ZRANB3: variants seen among roughly 807,000 people sequenced by gnomAD.
The protein encoded by ZRANB3 is DNA annealing helicase and endonuclease ZRANB3.
A neutral mutation model predicts 133.8 loss-of-function variants in ZRANB3; 125 were observed. The observed-to-expected ratio is 0.93, with a 90% CI of 0.81 to 1.08. The LOEUF (loss-of-function observed/expected upper bound fraction) is 1.08, where lower values mean the gene tolerates loss of function less well. Among genes scored for constraint, ZRANB3 ranks in the 50% least tolerant of loss-of-function variants. The pLI is 0.00. For synonymous variants in ZRANB3, 387 were observed against 432.7 expected, an observed-to-expected ratio of 0.89 and a Z score of 1.31; for missense variants, 1,229 against 1,275.5, an observed-to-expected ratio of 0.96 and a Z score of 0.56.
At chr2:135,465,130 A>C (rs1247019957) in intron 2 of ZRANB3, among the ~76,000 whole-genome samples, 1 of 152,256 alleles carries the variant, frequency 6.6e-6, no homozygotes, top group African/African-American at 2.4e-5. Context: ...CAATTCCTGC[A>C]TGTATTGATA....
At chr2:135,525,834 G>A (rs62168778) in intron 1 of ZRANB3, among the ~76,000 whole-genome samples, 3,662 of 126,416 alleles carry the variant, frequency 0.029, 71 homozygotes, top group Admixed American at 0.051. Flanking sequence ...GGCAACAAGA[G>A]CAAAACTCTG....
chr2:135,478,058 C>T (rs1226802253), intron 2 of ZRANB3, among the ~76,000 whole-genome samples: 1 of 152,058 alleles, frequency 6.6e-6, no homozygotes, highest in Non-Finnish European at 1.5e-5. Flanking sequence ...CATATACAAA[C>T]ACAAAACAAA....
At chr2:135,487,799 A>G (rs1267976844) in intron 2 of ZRANB3, among the ~76,000 whole-genome samples, 1 of 152,186 alleles carries the variant, frequency 6.6e-6, no homozygotes, top group Non-Finnish European at 1.5e-5. Flanking sequence ...CTCTATCCAC[A>G]CCACTGAAAC....
intron 12 of ZRANB3, among the ~76,000 whole-genome samples, chr2:135,263,942 A>AT (rs778377579): frequency 3.9e-3 from 540 of 139,258 alleles, no homozygotes; most frequent in East Asian, 6.8e-3. Flanking sequence ...CGCCCGGCTA[A>AT]TTTTTTTTTT....
At chr2:135,349,009 C>A (rs1573955269) in intron 5 of ZRANB3, among the ~76,000 whole-genome samples, 1 of 152,206 alleles carries the variant, frequency 6.6e-6, no homozygotes, top group South Asian at 2.1e-4. Context: ...ATGTCAATTA[C>A]GTGGAGCTAC....
At chr2:135,354,750 C>A (rs7565793) in intron 3 of ZRANB3, among the ~76,000 whole-genome samples, 8,447 of 152,118 alleles carry the variant, frequency 0.056, 458 homozygotes, top group African/African-American at 0.14. Flanking sequence ...ACAGCAGATC[C>A]GTGGTTGCCA....
intron 2 of ZRANB3, among the ~76,000 whole-genome samples, chr2:135,482,599 G>T (rs372739992): frequency 6.6e-6 from 1 of 151,972 alleles, no homozygotes; most frequent in African/African-American, 2.4e-5. Context: ...CTAATTGAAT[G>T]CCCTTTATTT....
intron 1 of ZRANB3, among the ~76,000 whole-genome samples, chr2:135,514,648 T>C (rs79946935): frequency 2.7e-5 from 4 of 150,184 alleles, no homozygotes; most frequent in Non-Finnish European, 5.9e-5. Context: ...TCTTGCTTGA[T>C]TGCCCTGGCC....
chr2:135,349,749 T>A (rs1685110480), intron 5 of ZRANB3, among the ~76,000 whole-genome samples: 3 of 140,980 alleles, frequency 2.1e-5, no homozygotes, highest in African/African-American at 3.0e-5. Context: ...GGCAGCCTTA[T>A]AATAAAGGTA....
At chr2:135,268,827 G>T in intron 11 of ZRANB3, 135 bp downstream of exon 11, 3 of 773,010 alleles carry the variant, frequency 3.9e-6, no homozygotes, top group Non-Finnish European at 6.0e-6. Flanking sequence ...TTCTTAACTT[G>T]GTCTCTATTA....
intron 8 of ZRANB3, among the ~76,000 whole-genome samples, chr2:135,283,996 C>G (rs1278968834): frequency 6.6e-6 from 1 of 152,088 alleles, no homozygotes; most frequent in Non-Finnish European, 1.5e-5. Flanking sequence ...AAAAAAATCA[C>G]TAATAGAAAA....
At chr2:135,204,651 AT>A (rs201638363) in intron 19 of ZRANB3, among the ~76,000 whole-genome samples, 6,909 of 113,966 alleles carry the variant, frequency 0.061, 573 homozygotes, top group African/African-American at 0.22. Context: ...AAAAAAAAAA[AT>A]ATATATATAT....
intron 6 of ZRANB3, among the ~76,000 whole-genome samples, chr2:135,323,358 A>G (rs1188704609): frequency 6.6e-6 from 1 of 152,234 alleles, no homozygotes; most frequent in African/African-American, 2.4e-5. Context: ...AGATTTAGAA[A>G]GGGGACACAA....
At chr2:135,298,891 CT>C (rs1682291498) in intron 8 of ZRANB3, among the ~76,000 whole-genome samples, 1 of 152,066 alleles carries the variant, frequency 6.6e-6, no homozygotes, top group Non-Finnish European at 1.5e-5. Flanking sequence ...TTGTTTCCTC[CT>C]TTTTTGGAGC....
chr2:135,321,584 C>T (rs1427727559), intron 6 of ZRANB3, among the ~76,000 whole-genome samples: 3 of 151,722 alleles, frequency 2.0e-5, no homozygotes, highest in African/African-American at 7.3e-5. Context: ...AGCGATTCTC[C>T]TGCCTCAGCC....
At chr2:135,279,005 G>A (rs916112831) in intron 8 of ZRANB3, among the ~76,000 whole-genome samples, 1 of 151,938 alleles carries the variant, frequency 6.6e-6, no homozygotes, top group Admixed American at 6.6e-5. Context: ...ATTGATGACA[G>A]CTAAAATTAC....
At chr2:135,305,406 A>G (rs1404064171) in intron 8 of ZRANB3, among the ~76,000 whole-genome samples, 3 of 152,218 alleles carry the variant, frequency 2.0e-5, no homozygotes, top group African/African-American at 7.2e-5. Context: ...AATTTCTTGT[A>G]GGCAGCATAT....
In ZRANB3 at chr2:135,271,871, A is replaced by G. The variant is rs1242078294; in HGVS notation, c.1103T>C (p.Ile368Thr). 1 of 1,613,256 alleles carries G rather than the reference A, an allele frequency of 6.2e-7. No individual in the cohort carries two copies. ...VIENKTRYIR[I>T]DGSVSSSERI... is the part of the protein sequence containing the mutation. The stretch of plus-strand genomic sequence containing the variant: ...TTCTGAAGATGAAACACTTCCATCT[A>G]TCCTAATGTAACGAGTCTAGCATCA... Residue 368 changes from isoleucine to threonine, a missense_variant, in exon 10 of 21, where the codon ATA becomes ACA. Transcript: ENST00000264159.
intron 8 of ZRANB3, among the ~76,000 whole-genome samples, chr2:135,295,129 T>G (rs932982468): frequency 1.3e-4 from 20 of 150,920 alleles, no homozygotes; most frequent in African/African-American, 2.7e-4. Flanking sequence ...GGTGCAGAGC[T>G]GGGGTTAACT....
Sources: allele counts gnomAD v4.1 joint callset (sites outside exome capture counted in the v4.1 genomes callset), GRCh38; gene constraint gnomAD v4.1.1; transcripts MANE v1.5; gene names NCBI Gene and HGNC (gene_info 2026-07-23, HGNC 2026-07-21).